Variants in BBS1 observed in about 807,000 individuals in gnomAD.
BBS1 encodes BBSome complex member BBS1.
BBS1 carries 60 observed loss-of-function variants against 73.9 expected under a neutral mutation model. That is an observed-to-expected ratio of 0.81 (90% confidence interval 0.66 to 1.01). BBS1 has a LOEUF of 1.01. Ranked by LOEUF, BBS1 falls within the 50% of genes least tolerant of loss-of-function variation. The probability of loss-of-function intolerance (pLI) is 0.00; values close to 1 mark genes in which losing one functional copy is unlikely to be tolerated. For missense variants in BBS1, 718 were observed against 770.3 expected (o/e 0.93, Z 0.80); for synonymous variants, 283 against 317.4 (o/e 0.89, Z 1.15).
chr11:66,512,056 ATATATATG>A (rs1358205935), intron 3 of BBS1, among the ~76,000 whole-genome samples: 1 of 145,636 alleles, frequency 6.9e-6, no homozygotes, highest in East Asian at 1.9e-4. Context: ...ATATATGTGT[ATATATATG>A]TATATATATA....
chr11:66,521,688 C>G, intron 9 of BBS1: 1 of 367,390 alleles, frequency 2.7e-6, no homozygotes, highest in Non-Finnish European at 5.2e-6. Flanking sequence ...AGCGGATCAC[C>G]TGAGGTCAGG....
intron 13 of BBS1, chr11:66,527,120 T>A: frequency 1.8e-6 from 2 of 1,094,454 alleles, no homozygotes; most frequent in Non-Finnish European, 2.7e-6. Flanking sequence ...CTCACGCCTG[T>A]AATCCCAACA....
chr11:66,514,612 C>T lies in BBS1; in HGVS notation c.366C>T (p.Phe122=), dbSNP rs1345474786. The T allele has an allele frequency of 3.1e-6, 5 of 1,613,902 alleles. No individual in the cohort carries two copies. The South Asian group carries it at 5.5e-5, about 18-fold the overall frequency. The change falls in exon 4 of 17, where the codon TTC becomes TTT. Residue 122 remains phenylalanine, a synonymous_variant. Coordinates refer to ENST00000318312, the MANE Select transcript of BBS1 (RefSeq NM_024649.5). ...VYVYKNLRPY[F]KFSLPQLPPN... ...TGTATAAGAATCTCAGACCCTACTTCAAGTTCAGCCTGCCCCAATTGCCTC... is the reference window on the plus strand; with the variant it reads ...TGTATAAGAATCTCAGACCCTACTTTAAGTTCAGCCTGCCCCAATTGCCTC...
chr11:66,519,835 A>G (rs1856147860), intron 8 of BBS1, 87 bp downstream of exon 8: 9 of 1,537,206 alleles, frequency 5.9e-6, no homozygotes, highest in Non-Finnish European at 8.0e-6. Context: ...GGTAATATAT[A>G]TGTTCCTTGT....
At position 66,526,131 on chromosome 11, in the gene BBS1, GAC is replaced by G; in HGVS notation, c.1120_1121del (p.Thr374GlnfsTer40). On this transcript the variant is annotated frameshift_variant, in exon 12 of 17. Transcript: ENST00000318312. LOFTEE classifies it high-confidence loss of function. ...CTGACGTCTCCACATAGGATGCAGT[GAC>G]CAGCCTTTGCTTTGGCCGGTACGGG... Reference protein sequence around the residue: ...LNVIHTPDAVTSLCFGRYGRE... With the variant: ...LNVIHTPDAVXSLCFGRYGRE... 6.2e-7 allele frequency: 1 copy of G among 1,614,182 alleles called. No individual in the cohort carries two copies. The highest frequency in any genetic ancestry group is 8.5e-7 in the Non-Finnish European group (1 of 1,180,028).
chr11:66,529,918 C>T lies in BBS1; in HGVS notation c.1439C>T (p.Thr480Met), dbSNP rs374706769. The T allele has an allele frequency of 5.2e-5, 83 of 1,605,562 alleles. No homozygotes were observed. The highest frequency in any genetic ancestry group is 7.7e-5 in the South Asian group (7 of 90,964). The change falls in exon 14 of 17, where the codon ACG becomes ATG. Residue 480 changes from threonine to methionine, a missense_variant. By Grantham distance (81) the Thr-to-Met change is moderately conservative. Coordinates refer to ENST00000318312, the MANE Select transcript of BBS1 (RefSeq NM_024649.5). Reference sequence around the variant, plus strand: ...GAGTCCAGCCTGAGCCCCCTGTCCACGACAGCCCGAGAGCCACTCAAGCTG... The same window carrying T: ...GAGTCCAGCCTGAGCCCCCTGTCCATGACAGCCCGAGAGCCACTCAAGCTG... ...ALESSLSPLSTTAREPLKLHA... is the reference protein window; with the variant it reads ...ALESSLSPLSMTAREPLKLHA...
chr11:66,520,948 A>G (rs1856189350), intron 8 of BBS1: 1 of 384,996 alleles, frequency 2.6e-6, no homozygotes, highest in Non-Finnish European at 5.0e-6. Context: ...TGAACTCCTG[A>G]GCTCAAGCGA....
At chr11:66,521,557 G>T (rs1217823534) in intron 9 of BBS1, 181 bp downstream of exon 9, 2 of 657,390 alleles carry the variant, frequency 3.0e-6, no homozygotes, top group East Asian at 2.8e-5. Context: ...TTGTGAGATA[G>T]GGGCTGGCAC....
intron 3 of BBS1, among the ~76,000 whole-genome samples, chr11:66,512,661 A>G (rs1438116387): frequency 6.6e-6 from 1 of 152,160 alleles, no homozygotes; most frequent in Non-Finnish European, 1.5e-5. Context: ...AAGAGAAACC[A>G]CAGACACAGT....
chr11:66,522,598 G>A (rs992935562), intron 9 of BBS1, among the ~76,000 whole-genome samples: 5 of 151,952 alleles, frequency 3.3e-5, no homozygotes, highest in Non-Finnish European at 7.4e-5. Flanking sequence ...CACCCTTCTC[G>A]GCCTCCCAAA....
At chr11:66,529,301 G>A (rs1325167615) in intron 13 of BBS1, 35 of 1,535,854 alleles carry the variant, frequency 2.3e-5, no homozygotes, top group Middle Eastern at 1.8e-4. Flanking sequence ...AGGCAGTGAC[G>A]GAGGCAGGAC....
At chr11:66,528,767 G>A (rs1167955529) in intron 13 of BBS1, among the ~76,000 whole-genome samples, 3 of 151,904 alleles carry the variant, frequency 2.0e-5, no homozygotes, top group East Asian at 3.9e-4. Context: ...TCAGGAGTTC[G>A]AGACCAGCCT....
Position 66,510,689 on chromosome 11 carries a change from C to A in BBS1, c.30C>A (p.Asp10Glu), listed in dbSNP as rs1360969412. The A allele has an allele frequency of 9.9e-6, 16 of 1,614,060 alleles. No individual in the cohort carries two copies. The highest frequency in any genetic ancestry group is 3.3e-5 in the South Asian group (3 of 91,086). The change falls in exon 1 of 17, where the codon GAC (aspartate) becomes GAA (glutamate). Residue 10 changes from aspartate (D) to glutamate (E), a missense_variant. Physicochemically the swap from Asp to Glu is conservative, Grantham distance 45. Coordinates refer to ENST00000318312, the MANE Select transcript of BBS1 (RefSeq NM_024649.5). ...CCGCTGCGTCCTCATCGGATTCCGA[C>A]GCCTGCGGAGCTGAGAGGTGAAGGC... MAAASSSDS[D>E]ACGAESNEAN...
At chr11:66,518,761 T>TC (rs1260269607) in intron 7 of BBS1, among the ~76,000 whole-genome samples, 3 of 149,796 alleles carry the variant, frequency 2.0e-5, no homozygotes, top group East Asian at 1.9e-4. Context: ...CCTTTTCTTT[T>TC]TTTTTTTTTT....
At chr11:66,529,779 C>G in intron 13 of BBS1, 40 bp from the exon 14 acceptor site, 4 of 1,607,484 alleles carry the variant, frequency 2.5e-6, no homozygotes, top group Non-Finnish European at 2.5e-6. Context: ...CCCTGCCACC[C>G]CCCACCTCCA....
Position 66,523,455 on chromosome 11 carries a change from G to A in BBS1, c.831-1G>A. 6.2e-7 allele frequency: 1 copy of A among 1,614,164 alleles called. No homozygotes were observed. Among genetic ancestry groups the A allele is most frequent in the Non-Finnish European group, 8.5e-7 (1 of 1,180,030 alleles). On this transcript the variant is annotated splice_acceptor_variant, in intron 9 of 16. Transcript: ENST00000318312. LOFTEE classifies it high-confidence loss of function. Reference sequence around the variant, plus strand: ...CAGACAGTGTGTTGTTTATTCCACAGAGACTCCAAGCACCCCAAGTACTGC... The same window carrying A: ...CAGACAGTGTGTTGTTTATTCCACAAAGACTCCAAGCACCCCAAGTACTGC...
chr11:66,522,654 A>G (rs1258605556), intron 9 of BBS1, among the ~76,000 whole-genome samples: 1 of 152,094 alleles, frequency 6.6e-6, no homozygotes, highest in African/African-American at 2.4e-5. Flanking sequence ...CCTAACATGC[A>G]TTTTTTTAAT....
At position 66,519,601 on chromosome 11, in the gene BBS1, TG is replaced by T; in HGVS notation, c.592-14del. 1 of 1,613,672 alleles carries T rather than the reference TG, an allele frequency of 6.2e-7. No homozygotes were observed. The highest frequency in any genetic ancestry group is 8.5e-7 in the Non-Finnish European group (1 of 1,179,804). On this transcript the variant is annotated splice_polypyrimidine_tract_variant and intron_variant, in intron 7 of 16. Coordinates refer to ENST00000318312, the MANE Select transcript of BBS1 (RefSeq NM_024649.5). ...GTGTGGAGGTTCCCTGGGTGACCCCTGGAGTCCTTCTGTAGACAGTCATCAC... is the reference window on the plus strand; with the variant it reads ...GTGTGGAGGTTCCCTGGGTGACCCCTGAGTCCTTCTGTAGACAGTCATCAC...
chr11:66,517,730 T>G (rs929000649), intron 7 of BBS1, among the ~76,000 whole-genome samples: 2 of 151,888 alleles, frequency 1.3e-5, no homozygotes, highest in Non-Finnish European at 2.9e-5. Context: ...CCTCCCAAAA[T>G]GCTGGGATTA....
Sources: allele counts gnomAD v4.1 joint callset (sites outside exome capture counted in the v4.1 genomes callset), GRCh38; gene constraint gnomAD v4.1.1; transcripts MANE v1.5; gene names NCBI Gene and HGNC (gene_info 2026-07-23, HGNC 2026-07-21).